ITPK1: variants seen among roughly 807,000 people sequenced by gnomAD.
ITPK1 encodes inositol 1,3,4-trisphosphate 5/6-kinase.
A neutral mutation model predicts 45.3 loss-of-function variants in ITPK1; 21 were observed. The ratio of observed to expected loss-of-function variants is 0.46; its 90% CI spans 0.33 to 0.67. ITPK1 has a LOEUF of 0.67. Ranked by LOEUF, ITPK1 falls within the 30% of genes least tolerant of loss-of-function variation. ITPK1 has a pLI of 0.02. For synonymous variants in ITPK1, 258 were observed against 253.6 expected (o/e 1.02, Z -0.16); for missense variants, 474 against 573.5 (o/e 0.83, Z 1.77).
intron 10 of ITPK1, among the ~76,000 whole-genome samples, 168 bp from the exon 11 acceptor site, chr14:92,942,072 G>A (rs1887456837): frequency 1.3e-5 from 2 of 152,190 alleles, no homozygotes; most frequent in South Asian, 2.1e-4. Flanking sequence ...GGGGGCTGAG[G>A]GGAGTCAAAA....
intron 3 of ITPK1, among the ~76,000 whole-genome samples, chr14:93,057,699 G>A (rs1447360065): frequency 6.6e-6 from 1 of 152,204 alleles, no homozygotes; most frequent in Non-Finnish European, 1.5e-5. Flanking sequence ...AGGGAGGAGA[G>A]GCAGAACCAG....
At chr14:92,981,832 C>G (rs1036802415) in intron 5 of ITPK1, among the ~76,000 whole-genome samples, 1 of 152,190 alleles carries the variant, frequency 6.6e-6, no homozygotes, top group Non-Finnish European at 1.5e-5. Context: ...GGCACTGAGG[C>G]CCACGCAGGG....
chr14:93,082,510 G>A (rs922747711), intron 2 of ITPK1, among the ~76,000 whole-genome samples: 2 of 152,166 alleles, frequency 1.3e-5, no homozygotes, highest in Admixed American at 6.5e-5. Flanking sequence ...CATCCCACAC[G>A]GGCTTTAAGG....
At chr14:92,951,132 CA>C (rs1826565481) in intron 9 of ITPK1, among the ~76,000 whole-genome samples, 1 of 152,258 alleles carries the variant, frequency 6.6e-6, no homozygotes, top group African/African-American at 2.4e-5. Context: ...CCCAGAAGAG[CA>C]GCACACATGC....
chr14:92,948,539 T>A lies in ITPK1; in HGVS notation c.739-2046A>T, dbSNP rs534520429. On this transcript the variant is annotated intron_variant, in intron 9 of 10. Coordinates refer to ENST00000267615, the MANE Select transcript of ITPK1 (RefSeq NM_014216.6). ...TTTTTGTAGGGACAGGGTCTCACTA[T>A]CTTTCCCAGGCTGGTCTCAAACTCC... Among the ~76,000 whole-genome samples, 32 of 152,070 alleles carry A rather than the reference T, an allele frequency of 2.1e-4. No individual in the cohort carries two copies. The South Asian group carries it at 5.2e-3, about 25-fold the overall frequency.
At chr14:93,077,160 T>C (rs79764057) in intron 2 of ITPK1, among the ~76,000 whole-genome samples, 1,620 of 152,280 alleles carry the variant, frequency 0.011, 18 homozygotes, top group Non-Finnish European at 0.015. Flanking sequence ...GCCTCCAAGC[T>C]GCACTCATGT....
At chr14:92,968,976 T>G (rs1166907523) in intron 5 of ITPK1, among the ~76,000 whole-genome samples, 1 of 152,152 alleles carries the variant, frequency 6.6e-6, no homozygotes, top group Non-Finnish European at 1.5e-5. Context: ...GGACACAGAC[T>G]GTTTTGCATC....
chr14:93,098,577 A>G (rs1451699641), intron 2 of ITPK1, among the ~76,000 whole-genome samples: 6 of 152,140 alleles, frequency 3.9e-5, no homozygotes, highest in African/African-American at 1.4e-4. Context: ...CAGCCCCACC[A>G]GCTAAACCAG....
chr14:93,109,196 T>C (rs150690377), intron 2 of ITPK1, among the ~76,000 whole-genome samples: 220 of 151,328 alleles, frequency 1.5e-3, no homozygotes, highest in African/African-American at 5.0e-3. Flanking sequence ...CACAGCTGTT[T>C]AAAAAAAAAG....
intron 10 of ITPK1, among the ~76,000 whole-genome samples, chr14:92,944,179 C>G (rs1225916914): frequency 6.6e-6 from 1 of 152,304 alleles, no homozygotes. Flanking sequence ...CTCCCACCCA[C>G]GTGCTGCTGG....
chr14:93,030,082 C>T (rs1888955699), intron 3 of ITPK1, among the ~76,000 whole-genome samples: 2 of 152,222 alleles, frequency 1.3e-5, no homozygotes, highest in South Asian at 2.1e-4. Context: ...ATGGCAAGCA[C>T]GAAGTTAGCG....
chr14:92,987,034 T>A (rs1886520451), intron 5 of ITPK1, among the ~76,000 whole-genome samples: 1 of 152,174 alleles, frequency 6.6e-6, no homozygotes, highest in African/African-American at 2.4e-5. Flanking sequence ...GAATCCAGCA[T>A]CTGTTTCATC....
chr14:92,996,070 A>T (rs1887041332), intron 4 of ITPK1, among the ~76,000 whole-genome samples: 2 of 152,286 alleles, frequency 1.3e-5, no homozygotes, highest in South Asian at 4.1e-4. Context: ...ACACATATGT[A>T]TGAAATCATA....
intron 3 of ITPK1, among the ~76,000 whole-genome samples, chr14:93,054,096 C>G (rs926546542): frequency 6.6e-6 from 1 of 152,204 alleles, no homozygotes; most frequent in African/African-American, 2.4e-5. Context: ...TTCCCCACAT[C>G]CCCTCCACCC....
chr14:93,046,924 G>A (rs925565104), intron 3 of ITPK1, among the ~76,000 whole-genome samples: 5 of 152,178 alleles, frequency 3.3e-5, no homozygotes, highest in Non-Finnish European at 5.9e-5. Flanking sequence ...CAGAGCAGGC[G>A]GCTGGTAGGG....
intron 5 of ITPK1, among the ~76,000 whole-genome samples, chr14:92,977,644 TA>T (rs1242344248): frequency 6.6e-6 from 1 of 150,444 alleles, no homozygotes; most frequent in East Asian, 1.9e-4. Flanking sequence ...TCTGGTTGCT[TA>T]AAAGGGTGTA....
chr14:93,055,516 G>A (rs1190741541), intron 3 of ITPK1, among the ~76,000 whole-genome samples: 2 of 152,054 alleles, frequency 1.3e-5, no homozygotes, highest in African/African-American at 4.8e-5. Context: ...GCTCCACGAA[G>A]GCAGAGGGAT....
chr14:93,031,666 A>G (rs1241984196), intron 3 of ITPK1, among the ~76,000 whole-genome samples: 2 of 152,176 alleles, frequency 1.3e-5, no homozygotes, highest in Non-Finnish European at 2.9e-5. Flanking sequence ...TCTGGCTCCA[A>G]GAGGTGGTGG....
intron 3 of ITPK1, among the ~76,000 whole-genome samples, chr14:93,050,434 C>T (rs760432699): frequency 6.6e-6 from 1 of 152,154 alleles, no homozygotes; most frequent in Non-Finnish European, 1.5e-5. Context: ...CCACGTGCTC[C>T]AAATGGTTCT....
Sources: allele counts gnomAD v4.1 joint callset (sites outside exome capture counted in the v4.1 genomes callset), GRCh38; gene constraint gnomAD v4.1.1; transcripts MANE v1.5; gene names NCBI Gene and HGNC (gene_info 2026-07-23, HGNC 2026-07-21).